E2F6: variants seen among roughly 807,000 people sequenced by gnomAD.
E2F6 encodes the protein transcription factor E2F6.
Under a neutral mutation model 31.5 loss-of-function variants are expected in E2F6, and 19 were observed. The ratio of observed to expected loss-of-function variants is 0.60; its 90% CI spans 0.42 to 0.89. The LOEUF is 0.89. Ranked by LOEUF, E2F6 falls within the 40% of genes least tolerant of loss-of-function variation. The probability of loss-of-function intolerance (pLI) is 0.00; values close to 1 mark genes in which losing one functional copy is unlikely to be tolerated. For missense variants in E2F6, 269 were observed against 341.6 expected, an observed-to-expected ratio of 0.79 and a Z score of 1.67; for synonymous variants, 121 against 127.7, an observed-to-expected ratio of 0.95 and a Z score of 0.36.
intron 5 of E2F6, among the ~76,000 whole-genome samples, chr2:11,447,979 C>G (rs979455966): frequency 6.6e-6 from 1 of 152,122 alleles, no homozygotes; most frequent in African/African-American, 2.4e-5. Context: ...AACCTCAGTA[C>G]TCAAGAGCCT....
intron 2 of E2F6, among the ~76,000 whole-genome samples, chr2:11,456,479 T>G (rs1671411935): frequency 6.6e-6 from 1 of 152,190 alleles, no homozygotes; most frequent in Non-Finnish European, 1.5e-5. Flanking sequence ...CAACCCTGAC[T>G]CTGAGCAACT....
At chr2:11,464,075 TC>T (rs763497618) in intron 1 of E2F6, among the ~76,000 whole-genome samples, 43 of 151,932 alleles carry the variant, frequency 2.8e-4, no homozygotes, top group Non-Finnish European at 4.7e-4. Flanking sequence ...AGGGAGGGTT[TC>T]TAACACGAGT....
chr2:11,463,934 G>A (rs1246791621), intron 1 of E2F6, among the ~76,000 whole-genome samples: 1 of 130,968 alleles, frequency 7.6e-6, no homozygotes, highest in African/African-American at 2.7e-5. Context: ...GGGTGACAGA[G>A]TGAGATCCTG....
rs1671206733 is a variant in E2F6 at position 11,453,569 on chromosome 2, G to GA, written c.380+12dup. The GA allele has an allele frequency of 1.2e-6, 2 of 1,611,972 alleles. No individual in the cohort carries two copies. Among genetic ancestry groups the GA allele is most frequent in the East Asian group, 4.5e-5 (2 of 44,854 alleles). On this transcript the variant is annotated intron_variant, in intron 3 of 6. Coordinates refer to ENST00000381525, the MANE Select transcript of E2F6 (RefSeq NM_198256.4). ...AGGAACAAAAGCCACGAAAAAGTTT[G>GA]AAAGCAACTCACATCCATCTAATAT...
chr2:11,453,692 G>T lies in E2F6; in HGVS notation c.270C>A (p.Asn90Lys). The T allele has an allele frequency of 6.2e-7, 1 of 1,614,090 alleles. No homozygotes were observed. The highest frequency in any genetic ancestry group is 1.1e-5 in the South Asian group (1 of 91,072). Residue 90 changes from asparagine (N) to lysine (K), a missense_variant, in exon 3 of 7, where the codon AAC (asparagine) becomes AAA (lysine). Physicochemically the swap from Asn to Lys is moderately conservative, Grantham distance 94 (BLOSUM62 0). Transcript: ENST00000381525. ...RSAPGGILDL[N>K]KVATKLGVRK... is the part of the protein sequence containing the mutation. ...GGACTCCCAGTTTCGTTGCAACCTT[G>T]TTTAAGTCAAGAATACCCCCGGGAG...
chr2:11,458,452 G>T, intron 1 of E2F6: 1 of 1,235,890 alleles, frequency 8.1e-7, no homozygotes, highest in Non-Finnish European at 1.2e-6. Context: ...CCACTGAAGT[G>T]GCCAGTGTGT....
At chr2:11,454,682 C>T (rs1005856115) in intron 2 of E2F6, among the ~76,000 whole-genome samples, 5 of 151,884 alleles carry the variant, frequency 3.3e-5, no homozygotes, top group Non-Finnish European at 7.4e-5. Context: ...ATATTCACTA[C>T]CCTATATTAA....
chr2:11,464,775 A>T (rs1034092676), intron 1 of E2F6, among the ~76,000 whole-genome samples: 10 of 152,156 alleles, frequency 6.6e-5, no homozygotes, highest in African/African-American at 2.4e-4. Flanking sequence ...CAAGAATAAT[A>T]ATCTTTTAGT....
intron 1 of E2F6, among the ~76,000 whole-genome samples, chr2:11,464,019 G>A (rs1377557040): frequency 6.7e-6 from 1 of 149,978 alleles, no homozygotes; most frequent in Admixed American, 6.8e-5. Flanking sequence ...TGAGGACAAG[G>A]AGAAGCCAGA....
Position 11,447,558 on chromosome 2 carries a change from G to A in E2F6, c.799+69C>T, listed in dbSNP as rs1380052738. 5.9e-6 allele frequency: 9 copies of A among 1,523,454 alleles called. No individual in the cohort carries two copies. The East Asian group carries it at 1.1e-4, about 19-fold the overall frequency. The allele number at this position is 1,523,454 out of a possible 1,614,324, so 94.4% of individuals were successfully genotyped here. On this transcript the variant is annotated intron_variant, in intron 6 of 6. Transcript: ENST00000381525. ...CTAGGAAGAGTAAAAATATCTTAAGGCCATAATACACATTAATAAAATTAT... is the reference window on the plus strand; with the variant it reads ...CTAGGAAGAGTAAAAATATCTTAAGACCATAATACACATTAATAAAATTAT...
chr2:11,456,846 T>C (rs1029807540), intron 2 of E2F6, among the ~76,000 whole-genome samples: 2 of 152,182 alleles, frequency 1.3e-5, no homozygotes, highest in Non-Finnish European at 2.9e-5. Context: ...AAGAGGGAAC[T>C]AGAGCCATTT....
chr2:11,447,725 T>G lies in E2F6; in HGVS notation c.701A>C (p.Tyr234Ser). ...CTGACCCTGCTCCACTTCACACAAA[T>G]AGACATCGATAGGTCCGTTGGTGCT... ...IRSTNGPIDV[Y>S]LCEVEQGQTS... Residue 234 changes from tyrosine (Y) to serine (S), a missense_variant, in exon 6 of 7, where the codon TAT becomes TCT. By Grantham distance (144) the Tyr-to-Ser change is moderately radical. Coordinates refer to ENST00000381525, the MANE Select transcript of E2F6 (RefSeq NM_198256.4). 6.2e-7 allele frequency: 1 copy of G among 1,612,210 alleles called. No homozygotes were observed.
chr2:11,453,171 A>ATT (rs531752435), intron 3 of E2F6, among the ~76,000 whole-genome samples: 2 of 144,216 alleles, frequency 1.4e-5, no homozygotes, highest in South Asian at 4.4e-4. Flanking sequence ...ACACTGTCTG[A>ATT]TTTTTTTTTT....
At chr2:11,448,261 T>C (rs1028832464) in intron 5 of E2F6, among the ~76,000 whole-genome samples, 1 of 152,250 alleles carries the variant, frequency 6.6e-6, no homozygotes, top group African/African-American at 2.4e-5. Flanking sequence ...ATTATGATAT[T>C]CACATCCTTT....
intron 1 of E2F6, among the ~76,000 whole-genome samples, chr2:11,462,467 T>C (rs905020050): frequency 2.6e-4 from 40 of 152,370 alleles, no homozygotes; most frequent in African/African-American, 9.1e-4. Context: ...AAATATCTTA[T>C]ACTGTAGATC....
intron 2 of E2F6, 110 bp downstream of exon 2, chr2:11,457,069 A>C (rs1398956205): frequency 1.0e-5 from 9 of 860,422 alleles, no homozygotes; most frequent in Non-Finnish European, 1.7e-5. Context: ...CAGTGTACAC[A>C]TAACAAATTG....
At position 11,447,603 on chromosome 2, in the gene E2F6, T is replaced by C. The variant is rs148210519; in HGVS notation, c.799+24A>G. ...AATTATGCATGCTTAATTAAAATAC[T>C]GTCAGAATCACTGGTATATTTACCT... On this transcript the variant is annotated intron_variant, in intron 6 of 6. Transcript: ENST00000381525. 18 of 1,606,252 alleles carry C rather than the reference T, an allele frequency of 1.1e-5. No homozygotes were observed. The African/African-American group carries it at 2.1e-4, about 19-fold the overall frequency.
rs1671483334 is a variant in E2F6 at position 11,457,517 on chromosome 2, G to A, written c.109-284C>T. Among the ~76,000 whole-genome samples, 3 of 152,164 alleles carry A rather than the reference G, an allele frequency of 2.0e-5. No individual in the cohort carries two copies. The South Asian group carries it at 6.2e-4, about 32-fold the overall frequency. ...AGGCACCTGTAGTCCCAGCTACTTG[G>A]GAGGCTGTGGCAAGAGAATCGCTTG... On this transcript the variant is annotated intron_variant, in intron 1 of 6. Coordinates refer to ENST00000381525, the MANE Select transcript of E2F6 (RefSeq NM_198256.4).
rs1439777110 is a variant in E2F6, at chr2:11,450,080, G to C, written c.583C>G (p.His195Asp). The change falls in exon 5 of 7, where the codon CAT (histidine) becomes GAT (aspartate). Residue 195 changes from histidine to aspartate, a missense_variant. Transcript: ENST00000381525. ...TTAACTGCAATGACGATCTGTTCAT[G>C]GAAGGCCTGAATGCTATGAATGTCT... ...YQDIHSIQAF[H>D]EQIVIAVKAP... 1 of 1,613,538 alleles carries C rather than the reference G, an allele frequency of 6.2e-7. No homozygotes were observed. Among genetic ancestry groups the C allele is most frequent in the Non-Finnish European group, 8.5e-7 (1 of 1,179,686 alleles).
Sources: gnomAD v4.1 joint callset for allele counts (sites outside exome capture counted in the v4.1 genomes callset) on GRCh38, gnomAD v4.1.1 for gene constraint, MANE v1.5 for transcripts, NCBI Gene and HGNC (gene_info 2026-07-23, HGNC 2026-07-21) for gene names.